The following PAPSS2 variants were observed in gnomAD, a reference collection of about 807,000 sequenced individuals.
PAPSS2 encodes the protein bifunctional 3'-phosphoadenosine 5'-phosphosulfate synthase 2.
PAPSS2 carries 61 observed loss-of-function variants against 66.5 expected under a neutral mutation model. That is an observed-to-expected ratio of 0.92 (90% CI 0.75 to 1.14). The LOEUF (loss-of-function observed/expected upper bound fraction) is 1.14, where lower values mean the gene tolerates loss of function less well. PAPSS2 is among the 50% of genes most tolerant of loss of function. The pLI is 0.00. For missense variants in PAPSS2, 708 were observed against 789.6 expected, an observed-to-expected ratio of 0.90 and a Z score of 1.24; for synonymous variants, 289 against 287.5, an observed-to-expected ratio of 1.01 and a Z score of -0.05.
intron 9 of PAPSS2, among the ~76,000 whole-genome samples, chr10:87,729,598 A>G (rs1046204985): frequency 6.6e-6 from 1 of 152,152 alleles, no homozygotes; most frequent in Admixed American, 6.5e-5. Flanking sequence ...AATTAGGCCA[A>G]TTAATAACCC....
chr10:87,673,449 C>T (rs771016411), intron 1 of PAPSS2, among the ~76,000 whole-genome samples: 13 of 152,032 alleles, frequency 8.6e-5, no homozygotes, highest in Non-Finnish European at 1.8e-4. Context: ...GTGTGAGCCA[C>T]TGTGCCAGCC....
chr10:87,720,334 T>C (rs1161103996), intron 7 of PAPSS2, among the ~76,000 whole-genome samples: 1 of 152,126 alleles, frequency 6.6e-6, no homozygotes, highest in African/African-American at 2.4e-5. Context: ...CTGGAGGGTA[T>C]CAGGAGGAAG....
chr10:87,695,361 T>C (rs1262927916), intron 1 of PAPSS2, among the ~76,000 whole-genome samples: 1 of 152,032 alleles, frequency 6.6e-6, no homozygotes, highest in Non-Finnish European at 1.5e-5. Flanking sequence ...CCCAATCCTA[T>C]CACATTAGGC....
chr10:87,660,750 T>A (rs1852739992), intron 1 of PAPSS2, among the ~76,000 whole-genome samples: 1 of 149,456 alleles, frequency 6.7e-6, no homozygotes, highest in African/African-American at 2.5e-5. Context: ...CCTATAAATT[T>A]TGCATTCTTA....
chr10:87,713,424 T>C, intron 3 of PAPSS2, 114 bp downstream of exon 3: 1 of 677,820 alleles, frequency 1.5e-6, no homozygotes, highest in South Asian at 1.7e-5. Context: ...AATGTCTCCT[T>C]TCAATTTCCC....
At chr10:87,664,158 GA>G (rs1234409626) in intron 1 of PAPSS2, among the ~76,000 whole-genome samples, 5 of 152,178 alleles carry the variant, frequency 3.3e-5, no homozygotes, top group African/African-American at 1.2e-4. Context: ...CTGAGCTGAA[GA>G]GATCCTCCTG....
At chr10:87,683,129 C>T (rs374033237) in intron 1 of PAPSS2, among the ~76,000 whole-genome samples, 1 of 133,610 alleles carries the variant, frequency 7.5e-6, no homozygotes, top group South Asian at 2.4e-4. Flanking sequence ...CTTGGTTTGT[C>T]CCCTAGGCAC....
chr10:87,681,711 C>T (rs938972321), intron 1 of PAPSS2, among the ~76,000 whole-genome samples: 12 of 152,190 alleles, frequency 7.9e-5, no homozygotes, highest in African/African-American at 2.9e-4. Context: ...CCCATTCCTA[C>T]TCCAAGTTCC....
chr10:87,707,422 AG>A (rs1335767072), intron 1 of PAPSS2, among the ~76,000 whole-genome samples: 1 of 152,160 alleles, frequency 6.6e-6, no homozygotes, highest in Non-Finnish European at 1.5e-5. Flanking sequence ...ACATTTATAG[AG>A]AACTTTGCCA....
At chr10:87,728,454 G>T (rs1173284436) in intron 9 of PAPSS2, among the ~76,000 whole-genome samples, 1 of 152,140 alleles carries the variant, frequency 6.6e-6, no homozygotes, top group African/African-American at 2.4e-5. Context: ...AAAAGGAGAG[G>T]CCAGGCTGGG....
At chr10:87,680,967 C>T (rs1258083355) in intron 1 of PAPSS2, among the ~76,000 whole-genome samples, 2 of 152,074 alleles carry the variant, frequency 1.3e-5, no homozygotes, top group South Asian at 2.1e-4. Context: ...TAGTGTATTC[C>T]ACTGCTGGAA....
intron 1 of PAPSS2, among the ~76,000 whole-genome samples, chr10:87,706,593 C>T (rs1028182920): frequency 2.6e-5 from 2 of 77,684 alleles, no homozygotes; most frequent in African/African-American, 4.0e-5. Context: ...CCTATCTGTA[C>T]AAAAAAAAAA....
intron 1 of PAPSS2, among the ~76,000 whole-genome samples, chr10:87,706,564 C>G (rs541232621): frequency 6.8e-6 from 1 of 146,898 alleles, no homozygotes; most frequent in Non-Finnish European, 1.5e-5. Context: ...GGAGATCAGC[C>G]TGGGCAACAA....
intron 1 of PAPSS2, among the ~76,000 whole-genome samples, chr10:87,708,048 A>G (rs1232678654): frequency 6.6e-6 from 1 of 152,208 alleles, no homozygotes; most frequent in Non-Finnish European, 1.5e-5. Flanking sequence ...TAACCTTTTA[A>G]TTTAACCATT....
Position 87,684,470 on chromosome 10 carries a change from G to A in PAPSS2, c.27+24462G>A, listed in dbSNP as rs1200041872. On this transcript the variant is annotated intron_variant, in intron 1 of 12. Coordinates refer to ENST00000456849, the MANE Select transcript of PAPSS2 (RefSeq NM_001015880.2). The stretch of plus-strand genomic sequence containing the variant: ...GCTGATGACAAGTTCAGTTCACAGT[G>A]TGACTTGTCCAACACAGGATGTCTG... Among the ~76,000 whole-genome samples, 3 of 152,364 alleles carry A rather than the reference G, an allele frequency of 2.0e-5. No homozygotes were observed. The East Asian group carries it at 5.8e-4, about 29-fold the overall frequency.
intron 9 of PAPSS2, among the ~76,000 whole-genome samples, chr10:87,729,038 A>G (rs1014759310): frequency 6.6e-6 from 1 of 151,976 alleles, no homozygotes; most frequent in African/African-American, 2.4e-5. Flanking sequence ...TTGGGATTTT[A>G]TCTTTACTCA....
chr10:87,660,859 T>TA (rs1295248021), intron 1 of PAPSS2: 2 of 287,646 alleles, frequency 7.0e-6, no homozygotes, highest in Non-Finnish European at 1.4e-5. Flanking sequence ...CATAGACTCT[T>TA]AGAGTTGGAT....
intron 1 of PAPSS2, among the ~76,000 whole-genome samples, chr10:87,682,865 G>C (rs1429676652): frequency 6.6e-6 from 1 of 152,102 alleles, no homozygotes; most frequent in Non-Finnish European, 1.5e-5. Context: ...TAAAGGTGAA[G>C]CAGCTGGAAG....
At chr10:87,676,838 A>T (rs1458211938) in intron 1 of PAPSS2, among the ~76,000 whole-genome samples, 1 of 120,590 alleles carries the variant, frequency 8.3e-6, no homozygotes, top group African/African-American at 3.1e-5. Context: ...GTGCCATTGT[A>T]CTCCAGTCTG....
Sources: allele counts gnomAD v4.1 joint callset (sites outside exome capture counted in the v4.1 genomes callset), GRCh38; gene constraint gnomAD v4.1.1; transcripts MANE v1.5; gene names NCBI Gene and HGNC (gene_info 2026-07-23, HGNC 2026-07-21).